The following FAM78B variants were observed in gnomAD, a reference collection of about 807,000 sequenced individuals.
FAM78B encodes protein FAM78B.
A neutral mutation model predicts 20.0 loss-of-function variants in FAM78B; 10 were observed. That is an observed-to-expected ratio of 0.50 (90% CI 0.31 to 0.85). FAM78B has a LOEUF of 0.85. Ranked by LOEUF, FAM78B falls within the 40% of genes least tolerant of loss-of-function variation. The probability of loss-of-function intolerance (pLI) is 0.05; values close to 1 mark genes in which losing one functional copy is unlikely to be tolerated. For missense variants in FAM78B, 283 were observed against 345.0 expected, an observed-to-expected ratio of 0.82 and a Z score of 1.42; for synonymous variants, 135 against 132.8, an observed-to-expected ratio of 1.02 and a Z score of -0.12.
At chr1:166,124,970 C>T (rs554961504) in intron 1 of FAM78B, among the ~76,000 whole-genome samples, 2 of 152,346 alleles carry the variant, frequency 1.3e-5, no homozygotes, top group East Asian at 3.9e-4. Flanking sequence ...TGAGAAATGT[C>T]TCTTCCCAAC....
chr1:166,079,699 G>A (rs1652490345), intron 1 of FAM78B, among the ~76,000 whole-genome samples: 1 of 152,200 alleles, frequency 6.6e-6, no homozygotes, highest in African/African-American at 2.4e-5. Flanking sequence ...TGTAAACATA[G>A]CCTTCAGGTT....
chr1:166,089,846 T>C (rs1434792238), intron 1 of FAM78B, among the ~76,000 whole-genome samples: 1 of 152,132 alleles, frequency 6.6e-6, no homozygotes, highest in Non-Finnish European at 1.5e-5. Context: ...AAGGGAACTC[T>C]GTTAACATAA....
chr1:166,066,970 AG>A (rs1397912371), downstream of FAM78B, among the ~76,000 whole-genome samples: 1 of 152,222 alleles, frequency 6.6e-6, no homozygotes, highest in African/African-American at 2.4e-5. Context: ...GCCCATATTA[AG>A]GGTTCAACCT....
intron 1 of FAM78B, chr1:166,082,604 GT>G (rs1652625437): frequency 6.6e-6 from 1 of 152,282 alleles, no homozygotes; most frequent in African/African-American, 2.4e-5. Context: ...GTCTATGACA[GT>G]TTTCCACTAG....
chr1:166,075,785 C>G (rs1422064384), intron 1 of FAM78B, among the ~76,000 whole-genome samples: 1 of 152,188 alleles, frequency 6.6e-6, no homozygotes, highest in Non-Finnish European at 1.5e-5. Flanking sequence ...CCTTGGTGAT[C>G]TCATCTGGTC....
chr1:166,084,395 C>G (rs2101728144), intron 1 of FAM78B, among the ~76,000 whole-genome samples: 1 of 152,300 alleles, frequency 6.6e-6, no homozygotes, highest in Non-Finnish European at 1.5e-5. Flanking sequence ...GCCCTTTCAC[C>G]TTCAGTTTCC....
At chr1:166,147,834 C>G (rs1416800901) in intron 1 of FAM78B, 3 of 152,100 alleles carry the variant, frequency 2.0e-5, no homozygotes, top group African/African-American at 7.3e-5. Flanking sequence ...GGGTCTTGCG[C>G]TTTGTTGCCT....
chr1:166,132,749 C>G (rs1014169771), intron 1 of FAM78B, among the ~76,000 whole-genome samples: 4 of 152,160 alleles, frequency 2.6e-5, no homozygotes, highest in Admixed American at 2.6e-4. Context: ...GAAACCACTA[C>G]AAAGATAATA....
At chr1:166,143,133 T>C (rs1446677096) in intron 1 of FAM78B, among the ~76,000 whole-genome samples, 1 of 152,214 alleles carries the variant, frequency 6.6e-6, no homozygotes, top group African/African-American at 2.4e-5. Flanking sequence ...GTACCCAATA[T>C]AGGGTTGTTG....
At chr1:166,159,859 A>T (rs1020155030) in intron 1 of FAM78B, among the ~76,000 whole-genome samples, 64 of 152,170 alleles carry the variant, frequency 4.2e-4, no homozygotes, top group African/African-American at 1.4e-3. Context: ...CCCTGATAAG[A>T]CCAGTTAATC....
intron 1 of FAM78B, among the ~76,000 whole-genome samples, chr1:166,075,825 A>G (rs1379850422): frequency 6.6e-6 from 1 of 152,166 alleles, no homozygotes; most frequent in Non-Finnish European, 1.5e-5. Flanking sequence ...CTGCACTGTG[A>G]CAACTTCCAA....
chr1:166,072,371 T>C (rs1652083870), intron 1 of FAM78B, among the ~76,000 whole-genome samples: 1 of 152,210 alleles, frequency 6.6e-6, no homozygotes, highest in Non-Finnish European at 1.5e-5. Flanking sequence ...TGGTAACTGC[T>C]GGGAATAGCT....
intron 1 of FAM78B, among the ~76,000 whole-genome samples, chr1:166,146,655 A>G (rs1355765397): frequency 6.6e-6 from 1 of 152,162 alleles, no homozygotes; most frequent in Non-Finnish European, 1.5e-5. Context: ...CGAATATACA[A>G]TGGGTCAAGG....
chr1:166,151,181 T>C (rs1655663219), intron 1 of FAM78B, among the ~76,000 whole-genome samples: 2 of 152,188 alleles, frequency 1.3e-5, no homozygotes, highest in Admixed American at 6.5e-5. Flanking sequence ...ACCCTGTAAA[T>C]TGGCCTGTGC....
rs1654695133 is a variant in FAM78B, at chr1:166,127,712, T to C, written c.263+38274A>G. On this transcript the variant is annotated intron_variant, in intron 1 of 1. Coordinates refer to ENST00000354422, the MANE Select transcript of FAM78B (RefSeq NM_001017961.5). ...GGTGATGAAAAGAGAAAGACAAATT[T>C]AGTTCAAAAATGTGTCTGACTGCTA... Among the ~76,000 whole-genome samples, 3 of 152,200 alleles carry C rather than the reference T, an allele frequency of 2.0e-5. No homozygotes were observed. The South Asian group carries it at 6.2e-4, about 32-fold the overall frequency.
chr1:166,130,220 C>A (rs573312033), intron 1 of FAM78B, among the ~76,000 whole-genome samples: 1 of 152,334 alleles, frequency 6.6e-6, no homozygotes, highest in Admixed American at 6.5e-5. Context: ...AAATATCAAG[C>A]CCATTAGAAA....
intron 1 of FAM78B, among the ~76,000 whole-genome samples, chr1:166,091,419 G>T (rs1653068268): frequency 6.6e-6 from 1 of 152,144 alleles, no homozygotes; most frequent in Non-Finnish European, 1.5e-5. Context: ...AGATCTGACG[G>T]TTTTAAAAAG....
intron 1 of FAM78B, among the ~76,000 whole-genome samples, chr1:166,088,793 A>C (rs1284511884): frequency 3.3e-5 from 5 of 152,072 alleles, no homozygotes; most frequent in Admixed American, 6.5e-5. Flanking sequence ...CACTGGGTGA[A>C]TCTGGGCTTT....
chr1:166,127,756 C>T (rs1051565396), intron 1 of FAM78B, among the ~76,000 whole-genome samples: 6 of 152,090 alleles, frequency 3.9e-5, no homozygotes, highest in South Asian at 2.1e-4. Flanking sequence ...CTGTAGCAGG[C>T]GGAGGGGGTG....
Sources: allele counts gnomAD v4.1 joint callset (sites outside exome capture counted in the v4.1 genomes callset), GRCh38; gene constraint gnomAD v4.1.1; transcripts MANE v1.5; gene names NCBI Gene and HGNC (gene_info 2026-07-23, HGNC 2026-07-21).